The following NKX2-5 variants were observed in gnomAD, a reference collection of about 807,000 sequenced individuals.
NKX2-5 encodes the protein NK2 homeobox 5, also known as homeobox protein Nkx-2.5.
In NKX2-5, 3 loss-of-function variants were observed where a neutral mutation model predicts 24.5. That is an observed-to-expected ratio of 0.12 (90% CI 0.06 to 0.32). The LOEUF (loss-of-function observed/expected upper bound fraction) is 0.32, where lower values mean the gene tolerates loss of function less well. Ranked by LOEUF, NKX2-5 falls within the 10% of genes least tolerant of loss-of-function variation. NKX2-5 has a pLI of 1.00. For missense variants in NKX2-5, 429 were observed against 452.4 expected (o/e 0.95, Z 0.47); for synonymous variants, 215 against 217.6 (o/e 0.99, Z 0.11).
rs1761326848 is a variant in NKX2-5 at position 173,232,200 on chromosome 5, G to C, written c.*369C>G. 2.8e-5 allele frequency: 8 copies of C among 284,848 alleles called. No individual in the cohort carries two copies. The highest frequency in any genetic ancestry group is 4.0e-5 in the Non-Finnish European group (6 of 150,514). The allele number at this position is 284,848 out of a possible 1,614,324, so 17.6% of individuals were successfully genotyped here. On this transcript the variant is annotated 3_prime_UTR_variant, in exon 2 of 2. Coordinates refer to ENST00000329198, the MANE Select transcript of NKX2-5 (RefSeq NM_004387.4). The surrounding 1 kb of genome is among the most constrained non-coding windows in gnomAD (Gnocchi z 5.9). Reference sequence around the variant, plus strand: ...CGGGTGGGTGCGTGGGCGGGCGACGGCGAGATAGCAAAGGCCCGGGCGCCC... The same window carrying C: ...CGGGTGGGTGCGTGGGCGGGCGACGCCGAGATAGCAAAGGCCCGGGCGCCC...
Position 173,232,365 on chromosome 5 carries a change from CA to C in NKX2-5, c.*203del. 1 of 939,134 alleles carries C rather than the reference CA, an allele frequency of 1.1e-6. No individual in the cohort carries two copies. Among genetic ancestry groups the C allele is most frequent in the South Asian group, 1.7e-5 (1 of 59,980 alleles). 58.2% of individuals were successfully genotyped at this position (939,134 alleles called of 1,614,324 possible). A position where few individuals can be genotyped will look rare whatever the true frequency, so the allele number is the denominator to read the frequency against. ...TAAGACACCAGGCTGCAGGATCACTCATTGCACGCTGCATAATCGCCGCCAC... is the reference window on the plus strand; with the variant it reads ...TAAGACACCAGGCTGCAGGATCACTCTTGCACGCTGCATAATCGCCGCCAC... On this transcript the variant is annotated 3_prime_UTR_variant, in exon 2 of 2. Coordinates refer to ENST00000329198, the MANE Select transcript of NKX2-5 (RefSeq NM_004387.4). This position sits in a 1 kb window ranked among gnomAD's most constrained non-coding sequence, Gnocchi z 5.9.
intron 1 of NKX2-5, 144 bp from the exon 2 acceptor site, chr5:173,233,353 A>G: frequency 1.3e-6 from 2 of 1,536,958 alleles, no homozygotes; most frequent in African/African-American, 1.4e-5. Context: ...TCACTCTGCC[A>G]AGTGCACTGG....
rs750413086 is a variant in NKX2-5 at position 173,234,901 on chromosome 5, C to G, written c.183G>C (p.Ala61=). The change falls in exon 1 of 2, where the codon GCG becomes GCC. Residue 61 remains alanine (A), a synonymous_variant. Coordinates refer to ENST00000329198, the MANE Select transcript of NKX2-5 (RefSeq NM_004387.4). The stretch of plus-strand genomic sequence containing the variant: ...GCAGCTCTGGGAGGCCCGGCGCAGC[C>G]GCCTCGGGCCCAGCGTAGGCCTCTG... ...FKPEAYAGPE[A]AAPGLPELRA... 3 of 1,607,052 alleles carry G rather than the reference C, an allele frequency of 1.9e-6. No homozygotes were observed. Among genetic ancestry groups the G allele is most frequent in the Non-Finnish European group, 2.5e-6 (3 of 1,176,850 alleles).
intron 1 of NKX2-5, chr5:173,234,120 T>A (rs1225517563): frequency 2.3e-6 from 3 of 1,289,328 alleles, no homozygotes; most frequent in Admixed American, 4.6e-5. Flanking sequence ...CTCTCCGCCC[T>A]GGCCGCGCCG....
Position 173,233,517 on chromosome 5 carries a change from AAAT to A in NKX2-5, c.335-311_335-309del, listed in dbSNP as rs749406949. 7.7e-4 allele frequency: 589 copies of A among 766,432 alleles called. 9 individuals are homozygous for A. The highest frequency in any genetic ancestry group is 2.1e-3 in the South Asian group (112 of 52,774). The allele number at this position is 766,432 out of a possible 1,614,324, so 47.5% of individuals were successfully genotyped here. ...AAATTTCAGGCTGCAAAAAAAAAAA[AAAT>A]AAATAAAAAAATAAAAAAATAAAAA... On this transcript the variant is annotated intron_variant, in intron 1 of 1. Transcript: ENST00000329198.
chr5:173,234,537 C>CTTCT lies in NKX2-5; in HGVS notation c.334+209_334+212dup, dbSNP rs35204361. Reference sequence around the variant, plus strand: ...GGGGGAAACGTTTTTTGGTCTCTTGCTTCTGATCCTTTCAATCCGGCATTT... The same window carrying CTTCT: ...GGGGGAAACGTTTTTTGGTCTCTTGCTTCTTTCTGATCCTTTCAATCCGGCATTT... On this transcript the variant is annotated intron_variant, in intron 1 of 1. Coordinates refer to ENST00000329198, the MANE Select transcript of NKX2-5 (RefSeq NM_004387.4). 0.02 allele frequency among the ~76,000 whole-genome samples: 3,076 copies of CTTCT among 152,296 alleles called. 103 individuals carry two copies. The highest frequency in any genetic ancestry group is 0.071 in the African/African-American group (2,929 of 41,542).
rs1241257756 is a variant in NKX2-5 at position 173,234,952 on chromosome 5, G to C, written c.132C>G (p.Ser44=). 3 of 1,611,866 alleles carry C rather than the reference G, an allele frequency of 1.9e-6. No individual in the cohort carries two copies. Among genetic ancestry groups the C allele is most frequent in the East Asian group, 2.2e-5 (1 of 44,824 alleles). Residue 44 remains serine, a synonymous_variant, in exon 1 of 2, where the codon TCC becomes TCG. Coordinates refer to ENST00000329198, the MANE Select transcript of NKX2-5 (RefSeq NM_004387.4). ...GCTTGAAGGCGGCCAGCATGCAGGA[G>C]GAGGGCGCCAGGGTCGCCTCCAGGC... ...SARLEATLAP[S]SCMLAAFKPE... is the part of the protein sequence containing the mutation.
Position 173,233,505 on chromosome 5 carries a change from CA to C in NKX2-5, c.335-297del, listed in dbSNP as rs763099269. On this transcript the variant is annotated intron_variant, in intron 1 of 1. Transcript: ENST00000329198. The stretch of plus-strand genomic sequence containing the variant: ...GACGGTGACTTAAAATTTCAGGCTG[CA>C]AAAAAAAAAAAAATAAATAAAAAAA... 0.082 allele frequency: 35,930 copies of C among 439,172 alleles called. 7 individuals are homozygous for C. Among genetic ancestry groups the C allele is most frequent in the East Asian group, 0.14 (2,857 of 20,944 alleles). The allele number at this position is 439,172 out of a possible 1,614,324, so 27.2% of individuals were successfully genotyped here.
Position 173,232,516 on chromosome 5 carries a change from C to A in NKX2-5, c.*53G>T. 7 of 1,596,042 alleles carry A rather than the reference C, an allele frequency of 4.4e-6. No homozygotes were observed. The highest frequency in any genetic ancestry group is 5.9e-6 in the Non-Finnish European group (7 of 1,178,150). ...GGGAGCCCCTTCTCCCCCCGAGAGTCAGGGAGCTGTTGAGGTGGGATCGGT... is the reference window on the plus strand; with the variant it reads ...GGGAGCCCCTTCTCCCCCCGAGAGTAAGGGAGCTGTTGAGGTGGGATCGGT... On this transcript the variant is annotated 3_prime_UTR_variant, in exon 2 of 2. Transcript: ENST00000329198. This position sits in a 1 kb window ranked among gnomAD's most constrained non-coding sequence, Gnocchi z 5.9.
At position 173,235,035 on chromosome 5, in the gene NKX2-5, T is replaced by C. The variant is rs1176053334; in HGVS notation, c.49A>G (p.Ile17Val). The change falls in exon 1 of 2, where the codon ATC becomes GTC. Residue 17 changes from isoleucine (I) to valine (V), a missense_variant. Ile to Val is a conservative substitution (Grantham distance 29). Coordinates refer to ENST00000329198, the MANE Select transcript of NKX2-5 (RefSeq NM_004387.4). Reference sequence around the variant, plus strand: ...CGCTGCTGCTGTTCCAGGTTTAGGATGTCTTTGACTGAGAAGGGCGTGGGC... The same window carrying C: ...CGCTGCTGCTGTTCCAGGTTTAGGACGTCTTTGACTGAGAAGGGCGTGGGC... ...LTPTPFSVKD[I>V]LNLEQQQRSL... 4 of 1,611,820 alleles carry C rather than the reference T, an allele frequency of 2.5e-6. No individual in the cohort carries two copies. The highest frequency in any genetic ancestry group is 3.4e-6 in the Non-Finnish European group (4 of 1,179,474).
Position 173,232,530 on chromosome 5 carries a change from G to A in NKX2-5, c.*39C>T, listed in dbSNP as rs769914808. Reference sequence around the variant, plus strand: ...CCCCCGAGAGTCAGGGAGCTGTTGAGGTGGGATCGGTCAGGGTCGCGCCAC... The same window carrying A: ...CCCCCGAGAGTCAGGGAGCTGTTGAAGTGGGATCGGTCAGGGTCGCGCCAC... On this transcript the variant is annotated 3_prime_UTR_variant, in exon 2 of 2. Transcript: ENST00000329198. This position sits in a 1 kb window ranked among gnomAD's most constrained non-coding sequence, Gnocchi z 5.9. 4 of 1,599,840 alleles carry A rather than the reference G, an allele frequency of 2.5e-6. No homozygotes were observed. The highest frequency in any genetic ancestry group is 2.2e-5 in the East Asian group (1 of 44,828).
intron 1 of NKX2-5, chr5:173,233,534 A>AAAAAAAAAAAAAAAAAAC (rs1761387799): frequency 1.0e-6 from 1 of 955,338 alleles, no homozygotes; most frequent in Non-Finnish European, 1.6e-6. Flanking sequence ...TAAAAAAATA[A>AAAAAAAAAAAAAAAAAAC]AAAAATAAAA....
chr5:173,232,829 G>A lies in NKX2-5; in HGVS notation c.715C>T (p.Pro239Ser). Residue 239 changes from proline (P) to serine (S), a missense_variant, in exon 2 of 2, where the codon CCT becomes TCT. Coordinates refer to ENST00000329198, the MANE Select transcript of NKX2-5 (RefSeq NM_004387.4). The surrounding 1 kb of genome is among the most constrained non-coding windows in gnomAD (Gnocchi z 5.9). ...PCLGDSAPYA[P>S]AYGVGLNPYG... ...GGATTGAGGCCCACGCCGTAGGCAGGCGCGTAGGGCGCCGAGTCCCCTAGG... is the reference window on the plus strand; with the variant it reads ...GGATTGAGGCCCACGCCGTAGGCAGACGCGTAGGGCGCCGAGTCCCCTAGG... 3 of 1,611,938 alleles carry A rather than the reference G, an allele frequency of 1.9e-6. 1 individual carries two copies. Among genetic ancestry groups the A allele is most frequent in the South Asian group, 2.2e-5 (2 of 91,032 alleles).
In NKX2-5 at chr5:173,232,871, G is replaced by A. The variant is rs866974584; in HGVS notation, c.673C>T (p.Arg225Cys). 8 of 1,610,282 alleles carry A rather than the reference G, an allele frequency of 5.0e-6. No homozygotes were observed. The Admixed American group carries it at 8.4e-5, about 17-fold the overall frequency. Residue 225 changes from arginine to cysteine, a missense_variant, in exon 2 of 2, where the codon CGC becomes TGC. Physicochemically the swap from Arg to Cys is radical, Grantham distance 180. Coordinates refer to ENST00000329198, the MANE Select transcript of NKX2-5 (RefSeq NM_004387.4). The surrounding 1 kb of genome is among the most constrained non-coding windows in gnomAD (Gnocchi z 5.9). The stretch of plus-strand genomic sequence containing the variant: ...TCCCCTAGGCATGGCTTGCCATCGC[G>A]CACCAGCACTGGCACCGCGATCCTG... ...ARRIAVPVLV[R>C]DGKPCLGDSA...
In NKX2-5 at chr5:173,233,532, T is replaced by C. The variant is rs56265301; in HGVS notation, c.335-323A>G. 1.2e-5 allele frequency: 10 copies of C among 825,358 alleles called. 1 individual carries two copies. The highest frequency in any genetic ancestry group is 3.6e-5 in the South Asian group (2 of 55,560). The allele number at this position is 825,358 out of a possible 1,614,324, so 51.1% of individuals were successfully genotyped here. A position where few individuals can be genotyped will look rare whatever the true frequency, so the allele number is the denominator to read the frequency against. ...AAAAAAAAAAAAATAAATAAAAAAA[T>C]AAAAAAATAAAAATAAAACCAGGTG... is the stretch of plus-strand genomic sequence containing the variant. On this transcript the variant is annotated intron_variant, in intron 1 of 1. Transcript: ENST00000329198.
At position 173,232,297 on chromosome 5, in the gene NKX2-5, G is replaced by T; in HGVS notation, c.*272C>A. ...CCGAGCTCAGTCCCAGTTCCAACCG[G>T]GGGTGCCCATGGACTCTCGGAGGGC... On this transcript the variant is annotated 3_prime_UTR_variant, in exon 2 of 2. Coordinates refer to ENST00000329198, the MANE Select transcript of NKX2-5 (RefSeq NM_004387.4). This position sits in a 1 kb window ranked among gnomAD's most constrained non-coding sequence, Gnocchi z 5.9. 1 of 559,482 alleles carries T rather than the reference G, an allele frequency of 1.8e-6. No homozygotes were observed. Among genetic ancestry groups the T allele is most frequent in the East Asian group, 3.5e-5 (1 of 28,856 alleles). 34.7% of individuals were successfully genotyped at this position (559,482 alleles called of 1,614,324 possible). A position where few individuals can be genotyped will look rare whatever the true frequency, so the allele number is the denominator to read the frequency against.
chr5:173,233,959 G>T (rs1233837857), intron 1 of NKX2-5: 5 of 1,211,546 alleles, frequency 4.1e-6, no homozygotes, highest in East Asian at 1.2e-4. Flanking sequence ...CCTGCCTTGG[G>T]CTGGGGGGTC....
rs1403962830 is a variant in NKX2-5, at chr5:173,233,350, G to A, written c.335-141C>T. 4 of 1,536,978 alleles carry A rather than the reference G, an allele frequency of 2.6e-6. No homozygotes were observed. In the East Asian group the frequency reaches 9.8e-5, roughly 38 times the overall value. On this transcript the variant is annotated intron_variant, in intron 1 of 1. Coordinates refer to ENST00000329198, the MANE Select transcript of NKX2-5 (RefSeq NM_004387.4). Reference sequence around the variant, plus strand: ...CGCCCAGCTGGCTGCGGCTCACTCTGCCAAGTGCACTGGGAGCCACCGACA... The same window carrying A: ...CGCCCAGCTGGCTGCGGCTCACTCTACCAAGTGCACTGGGAGCCACCGACA...
chr5:173,234,131 G>C (rs1263066933), intron 1 of NKX2-5: 5 of 1,289,090 alleles, frequency 3.9e-6, no homozygotes, highest in Non-Finnish European at 5.1e-6. Flanking sequence ...GGCCGCGCCG[G>C]CAAGTTGTGC....
Sources: allele counts gnomAD v4.1 joint callset (sites outside exome capture counted in the v4.1 genomes callset), GRCh38; gene constraint gnomAD v4.1.1; non-coding constraint Gnocchi (gnomAD v3.1); transcripts MANE v1.5; gene names NCBI Gene and HGNC (gene_info 2026-07-23, HGNC 2026-07-21).